Variants in MDGA2 observed in about 807,000 individuals in gnomAD.
The protein encoded by MDGA2 is MAM domain-containing glycosylphosphatidylinositol anchor protein 2.
Under a neutral mutation model 117.8 loss-of-function variants are expected in MDGA2, and 40 were observed. The observed-to-expected ratio is 0.34, with a 90% CI of 0.26 to 0.44. The LOEUF is 0.44. MDGA2 is among the 20% of genes least tolerant of loss of function. The pLI, the probability that MDGA2 is intolerant of heterozygous loss-of-function variation, is 1.00. For missense variants in MDGA2, 1,123 were observed against 1,250.6 expected (o/e 0.90, Z 1.54); for synonymous variants, 452 against 439.0 (o/e 1.03, Z -0.37).
At chr14:47,150,349 T>C (rs1379790678) in intron 3 of MDGA2, among the ~76,000 whole-genome samples, 1 of 152,220 alleles carries the variant, frequency 6.6e-6, no homozygotes, top group Admixed American at 6.5e-5. Context: ...TTTATGACCT[T>C]TGACTGCAGA....
intron 1 of MDGA2, among the ~76,000 whole-genome samples, chr14:47,424,199 T>C (rs1892638043): frequency 6.6e-6 from 1 of 152,060 alleles, no homozygotes; most frequent in South Asian, 2.1e-4. Context: ...GACATGTGGA[T>C]TGCTTGAGTA....
At chr14:46,958,021 C>A (rs1219974734) in intron 8 of MDGA2, among the ~76,000 whole-genome samples, 3 of 151,994 alleles carry the variant, frequency 2.0e-5, no homozygotes, top group African/African-American at 7.2e-5. Context: ...TTTTATTATG[C>A]AATGAAAAGA....
intron 1 of MDGA2, among the ~76,000 whole-genome samples, chr14:47,541,580 G>T (rs1208267737): frequency 2.6e-5 from 4 of 152,122 alleles, no homozygotes; most frequent in Non-Finnish European, 5.9e-5. Flanking sequence ...TATTCTTTCA[G>T]CCTTTTCTGC....
chr14:47,191,978 C>G (rs17118145), intron 3 of MDGA2, among the ~76,000 whole-genome samples: 1 of 152,012 alleles, frequency 6.6e-6, no homozygotes, highest in Non-Finnish European at 1.5e-5. Context: ...ACTGCTTGCA[C>G]CTTAGTGAGC....
intron 7 of MDGA2, among the ~76,000 whole-genome samples, chr14:47,052,579 TAATAG>T (rs911608456): frequency 6.6e-6 from 1 of 151,884 alleles, no homozygotes; most frequent in East Asian, 1.9e-4. Context: ...TTACAGGAAA[TAATAG>T]AATACTCTCC....
chr14:46,973,155 C>T (rs1436699185), intron 8 of MDGA2, among the ~76,000 whole-genome samples: 2 of 152,204 alleles, frequency 1.3e-5, no homozygotes, highest in East Asian at 1.9e-4. Context: ...AATTTTCATT[C>T]GTTGCTGGTG....
At chr14:47,041,322 T>A (rs1377223888) in intron 7 of MDGA2, among the ~76,000 whole-genome samples, 1 of 152,126 alleles carries the variant, frequency 6.6e-6, no homozygotes, top group Non-Finnish European at 1.5e-5. Context: ...TTTTATCATT[T>A]GGTTTTTAGG....
chr14:47,018,342 G>A (rs1381477350), intron 8 of MDGA2, among the ~76,000 whole-genome samples: 2 of 151,896 alleles, frequency 1.3e-5, no homozygotes, highest in East Asian at 1.9e-4. Context: ...CACTCAGATG[G>A]GAATTAACAA....
At chr14:46,982,849 T>C (rs945891142) in intron 8 of MDGA2, among the ~76,000 whole-genome samples, 4 of 151,884 alleles carry the variant, frequency 2.6e-5, no homozygotes, top group African/African-American at 4.8e-5. Flanking sequence ...CTATGTTGAA[T>C]AGGAGTGGTC....
intron 3 of MDGA2, among the ~76,000 whole-genome samples, chr14:47,185,580 T>G (rs1389633453): frequency 6.6e-6 from 1 of 151,074 alleles, no homozygotes; most frequent in Admixed American, 6.6e-5. Flanking sequence ...TAAATGAGAG[T>G]CAAAACTGTA....
intron 1 of MDGA2, among the ~76,000 whole-genome samples, chr14:47,416,246 C>A (rs148193862): frequency 6.6e-6 from 1 of 152,168 alleles, no homozygotes; most frequent in East Asian, 1.9e-4. Flanking sequence ...TATGCATTTC[C>A]ATGATACAAC....
intron 1 of MDGA2, among the ~76,000 whole-genome samples, chr14:47,513,986 G>C (rs1022529328): frequency 6.6e-6 from 1 of 152,108 alleles, no homozygotes; most frequent in Non-Finnish European, 1.5e-5. Context: ...GAATAGGCTA[G>C]TAGGCTAAAA....
At chr14:47,396,748 T>A (rs1345870309) in intron 1 of MDGA2, among the ~76,000 whole-genome samples, 1 of 152,196 alleles carries the variant, frequency 6.6e-6, no homozygotes, top group East Asian at 1.9e-4. Context: ...TCATCATCAC[T>A]GGTCATTAGA....
intron 1 of MDGA2, among the ~76,000 whole-genome samples, chr14:47,637,915 G>C (rs1378798900): frequency 1.3e-5 from 2 of 152,156 alleles, no homozygotes; most frequent in Non-Finnish European, 2.9e-5. Flanking sequence ...TGTCTACGCT[G>C]TTACCCAAAG....
chr14:47,390,850 A>G lies in MDGA2; in HGVS notation c.281-89300T>C, dbSNP rs2138437383. Among the ~76,000 whole-genome samples the G allele has an allele frequency of 1.3e-5, 2 of 151,868 alleles. 1 individual carries two copies. The highest frequency in any genetic ancestry group is 4.2e-4 in the South Asian group (2 of 4,818). ...ACCAGTTTCTCCTGGAATTTTTCCT[A>G]TTTCTCTAAATGTTTCTTCTTGATA... On this transcript the variant is annotated intron_variant, in intron 1 of 16. Transcript: ENST00000399232.
At chr14:47,011,896 C>T (rs945931872) in intron 8 of MDGA2, among the ~76,000 whole-genome samples, 12 of 152,046 alleles carry the variant, frequency 7.9e-5, no homozygotes, top group Admixed American at 3.3e-4. Context: ...CAGGTTCTCT[C>T]TTTGCTGTTT....
chr14:47,585,487 A>C (rs1896307134), intron 1 of MDGA2, among the ~76,000 whole-genome samples: 1 of 151,960 alleles, frequency 6.6e-6, no homozygotes, highest in Admixed American at 6.6e-5. Flanking sequence ...TGCTATAAGG[A>C]TTAAATGAGA....
chr14:47,255,339 T>C lies in MDGA2; in HGVS notation c.421-37144A>G, dbSNP rs149677951. On this transcript the variant is annotated intron_variant, in intron 2 of 16. Transcript: ENST00000399232. Reference sequence around the variant, plus strand: ...CAACCCTCCAGGGAGTCACGGGAGATGAAAGAGTGGTGGCAGGGGACTGAC... The same window carrying C: ...CAACCCTCCAGGGAGTCACGGGAGACGAAAGAGTGGTGGCAGGGGACTGAC... 4.1e-3 allele frequency among the ~76,000 whole-genome samples: 630 copies of C among 152,230 alleles called. 7 individuals are homozygous for C. The highest frequency in any genetic ancestry group is 0.014 in the African/African-American group (593 of 41,550).
chr14:47,066,717 T>A (rs1890096524), intron 6 of MDGA2, among the ~76,000 whole-genome samples: 1 of 89,738 alleles, frequency 1.1e-5, no homozygotes, highest in Non-Finnish European at 2.3e-5. Context: ...AATCAGTTGA[T>A]AATCTGAAGA....
Sources: gnomAD v4.1 joint callset for allele counts (sites outside exome capture counted in the v4.1 genomes callset) on GRCh38, gnomAD v4.1.1 for gene constraint, MANE v1.5 for transcripts, NCBI Gene and HGNC (gene_info 2026-07-23, HGNC 2026-07-21) for gene names.